The following PTPRD variants were observed in gnomAD, a reference collection of about 807,000 sequenced individuals.
PTPRD encodes receptor-type tyrosine-protein phosphatase delta.
Under a neutral mutation model 214.5 loss-of-function variants are expected in PTPRD, and 34 were observed. The ratio of observed to expected loss-of-function variants is 0.16; its 90% CI spans 0.12 to 0.21. The LOEUF (loss-of-function observed/expected upper bound fraction) is 0.21. PTPRD is among the 10% of genes least tolerant of loss of function. The pLI, the probability that PTPRD is intolerant of heterozygous loss-of-function variation, is 1.00. For missense variants in PTPRD, 2,545 were observed against 2,398.7 expected (o/e 1.06, Z -1.27); for synonymous variants, 1,128 against 845.7 (o/e 1.33, Z -5.79).
chr9:8,593,376 G>A (rs1162160586), intron 14 of PTPRD, among the ~76,000 whole-genome samples: 2 of 152,170 alleles, frequency 1.3e-5, no homozygotes, highest in South Asian at 4.1e-4. Context: ...GGAACAAAAG[G>A]TACGTAGACC....
At chr9:9,333,504 T>TTTTATATATATATATATATATATATA (rs544075539) in intron 9 of PTPRD, among the ~76,000 whole-genome samples, 1 of 137,248 alleles carries the variant, frequency 7.3e-6, no homozygotes, top group African/African-American at 2.9e-5. Flanking sequence ...ATATAGTATA[T>TTTTATATATATATATATATATATATA]TATATATATA....
At chr9:8,862,920 G>C (rs557421068) in intron 11 of PTPRD, among the ~76,000 whole-genome samples, 7 of 152,162 alleles carry the variant, frequency 4.6e-5, no homozygotes, top group Non-Finnish European at 1.0e-4. Flanking sequence ...GGACGGTTGT[G>C]GGGTGGTGGG....
intron 35 of PTPRD, among the ~76,000 whole-genome samples, chr9:8,415,036 AG>A (rs973468771): frequency 5.9e-5 from 9 of 152,024 alleles, no homozygotes; most frequent in African/African-American, 2.2e-4. Flanking sequence ...TCACATGGAT[AG>A]GTGGGTGGGA....
intron 35 of PTPRD, among the ~76,000 whole-genome samples, chr9:8,433,067 T>C (rs1203524202): frequency 1.3e-5 from 2 of 152,212 alleles, no homozygotes; most frequent in African/African-American, 4.8e-5. Context: ...GCAACTGAGA[T>C]TGCTTGAGTG....
At chr9:9,618,679 T>C (rs1044601578) in intron 7 of PTPRD, among the ~76,000 whole-genome samples, 2 of 152,202 alleles carry the variant, frequency 1.3e-5, no homozygotes, top group Non-Finnish European at 2.9e-5. Flanking sequence ...TAATGTAAGA[T>C]AGGTATCAGA....
At chr9:9,891,410 C>T (rs28655376) in intron 5 of PTPRD, among the ~76,000 whole-genome samples, 25,973 of 150,544 alleles carry the variant, frequency 0.17, 2,836 homozygotes, top group African/African-American at 0.31. Context: ...TATCATTCTG[C>T]GAAAGCTGTG....
intron 12 of PTPRD, among the ~76,000 whole-genome samples, chr9:8,726,036 C>CAT (rs1422313309): frequency 2.7e-5 from 4 of 146,976 alleles, no homozygotes; most frequent in African/African-American, 1.0e-4. Flanking sequence ...GACACACACA[C>CAT]ACACACACAC....
intron 4 of PTPRD, among the ~76,000 whole-genome samples, chr9:9,976,717 C>CT (rs979226957): frequency 3.9e-5 from 2 of 51,924 alleles, no homozygotes; most frequent in African/African-American, 8.9e-5. Context: ...AAAAAATTTA[C>CT]TTTTTTTATG....
Position 8,759,615 on chromosome 9 carries a change from C to CTT in PTPRD, c.-103-25671_-103-25670dup, listed in dbSNP as rs77725373. Among the ~76,000 whole-genome samples, 77 of 98,960 alleles carry CTT rather than the reference C, an allele frequency of 7.8e-4. 1 individual carries two copies. The highest frequency in any genetic ancestry group is 2.4e-3 in the African/African-American group (67 of 28,440). 64.9% of individuals were successfully genotyped at this position (98,960 alleles called of 152,430 possible). On this transcript the variant is annotated intron_variant, in intron 11 of 45. Transcript: ENST00000381196. ...GGCATCTTTTGTTCCTGTTACATTT[C>CTT]TTTTTTTTTTTTTTTTGTCCTCATC...
intron 2 of PTPRD, among the ~76,000 whole-genome samples, chr9:10,515,363 C>T (rs1331202740): frequency 1.3e-5 from 2 of 151,982 alleles, no homozygotes; most frequent in South Asian, 2.1e-4. Flanking sequence ...CTTTGTGGTC[C>T]ACAATCAAAA....
chr9:8,696,596 T>C (rs988738660), intron 12 of PTPRD, among the ~76,000 whole-genome samples: 2 of 152,016 alleles, frequency 1.3e-5, no homozygotes, highest in African/African-American at 4.8e-5. Flanking sequence ...GGGAGAAAGA[T>C]GAGTTAGGTT....
chr9:10,596,599 T>C (rs1442469630), intron 2 of PTPRD, among the ~76,000 whole-genome samples: 1 of 151,690 alleles, frequency 6.6e-6, no homozygotes. Flanking sequence ...TATTAATTAT[T>C]TTGTAATAAG....
chr9:8,780,665 AGGCAAGG>A (rs1010470789), intron 11 of PTPRD, among the ~76,000 whole-genome samples: 1 of 152,228 alleles, frequency 6.6e-6, no homozygotes, highest in African/African-American at 2.4e-5. Context: ...AACTAGACTC[AGGCAAGG>A]CCTGAGAATC....
intron 14 of PTPRD, among the ~76,000 whole-genome samples, chr9:8,572,344 T>A (rs150540605): frequency 1.3e-4 from 20 of 152,086 alleles, no homozygotes; most frequent in African/African-American, 4.8e-4. Context: ...TCTCTTAACA[T>A]AAAAAGTCCC....
chr9:9,399,894 A>G (rs1238124768), intron 8 of PTPRD, among the ~76,000 whole-genome samples: 1 of 152,070 alleles, frequency 6.6e-6, no homozygotes, highest in East Asian at 1.9e-4. Context: ...TAAATTACCC[A>G]GTCTTGGGTA....
At chr9:9,744,243 T>G (rs1363435848) in intron 6 of PTPRD, among the ~76,000 whole-genome samples, 3 of 152,150 alleles carry the variant, frequency 2.0e-5, no homozygotes, top group Non-Finnish European at 4.4e-5. Flanking sequence ...ACAAGTCTTC[T>G]AATTGGAAAT....
At chr9:10,460,198 A>C (rs565474137) in intron 2 of PTPRD, among the ~76,000 whole-genome samples, 65 of 152,214 alleles carry the variant, frequency 4.3e-4, no homozygotes, top group African/African-American at 1.5e-3. Flanking sequence ...CCGTAAACTG[A>C]AAACTAGAAA....
chr9:9,174,371 T>C (rs1592916718), intron 10 of PTPRD, among the ~76,000 whole-genome samples: 2 of 152,202 alleles, frequency 1.3e-5, no homozygotes, highest in Admixed American at 1.3e-4. Flanking sequence ...ACAGAAATCA[T>C]CACAACTATG....
intron 11 of PTPRD, among the ~76,000 whole-genome samples, chr9:8,757,351 G>C (rs1464366378): frequency 6.6e-6 from 1 of 152,006 alleles, no homozygotes. Flanking sequence ...AGAATATGTA[G>C]AATTTTGAGT....
Sources: allele counts gnomAD v4.1 joint callset (sites outside exome capture counted in the v4.1 genomes callset), GRCh38; gene constraint gnomAD v4.1.1; transcripts MANE v1.5; gene names NCBI Gene and HGNC (gene_info 2026-07-23, HGNC 2026-07-21).